Variants in ZNF718 observed in about 807,000 individuals in gnomAD.
The protein encoded by ZNF718 is zinc finger protein 718.
In ZNF718, 3 loss-of-function variants were observed where a neutral mutation model predicts 2.6. The ratio of observed to expected loss-of-function variants is 1.16; its 90% CI spans 0.53 to 3.01. The LOEUF is 3.01. Ranked by LOEUF, ZNF718 falls within the 30% of genes most tolerant of loss-of-function variation. The pLI is 0.03. For missense variants in ZNF718, 468 were observed against 230.0 expected (o/e 2.03, Z -6.69); for synonymous variants, 135 against 77.9 (o/e 1.73, Z -3.86).
At chr4:156,230 A>G (rs1330775011) in intron 3 of ZNF718, among the ~76,000 whole-genome samples, 3 of 143,794 alleles carry the variant, frequency 2.1e-5, no homozygotes, top group Non-Finnish European at 3.0e-5. Flanking sequence ...TGATATGTCT[A>G]TTTCCAATAT....
chr4:133,195 A>AAAAAAAACATATAT (rs1258303094), intron 3 of ZNF718, among the ~76,000 whole-genome samples: 1 of 20,774 alleles, frequency 4.8e-5, no homozygotes, highest in Admixed American at 7.4e-4. Context: ...AAAAAAAAAA[A>AAAAAAAACATATAT]ATATATATAT....
rs1437774844 is a variant in ZNF718 at position 128,805 on chromosome 4, C to G, written c.4-1983C>G. ...ACAGAAAGAATCTCCTTGGTTTGTA[C>G]CCAGATAAGAATTGCTCCAGTTTTC... On this transcript the variant is annotated intron_variant, in intron 1 of 3. Coordinates refer to ENST00000510175, the MANE Select transcript of ZNF718 (RefSeq NM_001039127.6). Among the ~76,000 whole-genome samples, 7 of 104,134 alleles carry G rather than the reference C, an allele frequency of 6.7e-5. 3 individuals carry two copies. Among genetic ancestry groups the G allele is most frequent in the Non-Finnish European group, 1.5e-4 (7 of 46,614 alleles). 68.3% of individuals were successfully genotyped at this position (104,134 alleles called of 152,430 possible). A position where few individuals can be genotyped will look rare whatever the true frequency, so the allele number is the denominator to read the frequency against.
At chr4:202,160 T>C (rs1717914043) in exon 5 of ZNF718, 1 of 152,382 alleles carries the variant, frequency 6.6e-6, no homozygotes, top group Admixed American at 6.5e-5. Context: ...CTGATGGTTT[T>C]ATACAGGGAA....
At chr4:185,942 T>C (rs192332205) in intron 3 of ZNF718, among the ~76,000 whole-genome samples, 1 of 152,172 alleles carries the variant, frequency 6.6e-6, no homozygotes. Context: ...TCTTTGTACT[T>C]TATTCAGCTT....
chr4:200,537 C>T (rs1264556460), intron 3 of ZNF718, among the ~76,000 whole-genome samples: 1 of 152,094 alleles, frequency 6.6e-6, no homozygotes, highest in Non-Finnish European at 1.5e-5. Context: ...AAAGTGCTGG[C>T]ATTACAGGCA....
intron 3 of ZNF718, among the ~76,000 whole-genome samples, chr4:197,704 G>A (rs1717819950): frequency 6.6e-6 from 1 of 152,164 alleles, no homozygotes; most frequent in African/African-American, 2.4e-5. Context: ...CAGCATAAGG[G>A]CAGAACTGCA....
At chr4:181,823 C>G (rs1717471196) in intron 3 of ZNF718, among the ~76,000 whole-genome samples, 1 of 152,112 alleles carries the variant, frequency 6.6e-6, no homozygotes, top group Non-Finnish European at 1.5e-5. Context: ...TTCCTCTCAC[C>G]TTCCATACTC....
In ZNF718 at chr4:131,407, C is replaced by A; in HGVS notation, c.131-3C>A. On this transcript the variant is annotated splice_polypyrimidine_tract_variant and splice_region_variant and intron_variant, in intron 2 of 3. Coordinates refer to ENST00000510175, the MANE Select transcript of ZNF718 (RefSeq NM_001039127.6). ...CATGTTAATTTTTTTTTTAATAAAA[C>A]AGGTGTTAGTATCTCTAACCCAGAC... The A allele has an allele frequency of 2.2e-6, 1 of 447,050 alleles. No homozygotes were observed. 27.7% of individuals were successfully genotyped at this position (447,050 alleles called of 1,614,324 possible).
intron 3 of ZNF718, among the ~76,000 whole-genome samples, chr4:140,095 A>G (rs1333843015): frequency 6.6e-6 from 1 of 151,988 alleles, no homozygotes; most frequent in East Asian, 1.9e-4. Flanking sequence ...CACATGTTTT[A>G]AGGGACTTAA....
In ZNF718 at chr4:159,047, T is replaced by C. The variant is rs1285122318; in HGVS notation, c.227-1865T>C. Among the ~76,000 whole-genome samples the C allele has an allele frequency of 3.3e-5, 5 of 151,184 alleles. 1 individual carries two copies. Among genetic ancestry groups the C allele is most frequent in the South Asian group, 2.1e-4 (1 of 4,814 alleles). ...ATTCTTTTTTTCTTTTTTCTTTTTT[T>C]TTTTTTTGAGATGGAGTCTTGTTTT... is the stretch of plus-strand genomic sequence containing the variant. On this transcript the variant is annotated intron_variant, in intron 3 of 3. Transcript: ENST00000510175.
At chr4:145,670 C>G (rs763047638) in intron 3 of ZNF718, among the ~76,000 whole-genome samples, 1 of 152,110 alleles carries the variant, frequency 6.6e-6, no homozygotes, top group Non-Finnish European at 1.5e-5. Context: ...GTTGCTCAGG[C>G]TGGTCTTGAA....
chr4:138,710 T>G (rs1715681199), intron 3 of ZNF718, among the ~76,000 whole-genome samples: 1 of 152,158 alleles, frequency 6.6e-6, no homozygotes. Flanking sequence ...TCTAAACTGG[T>G]CTCCATGGTC....
intron 3 of ZNF718, chr4:141,984 A>C (rs543680964): frequency 7.7e-6 from 4 of 518,846 alleles, no homozygotes; most frequent in South Asian, 1.4e-5. Context: ...GTATATTTCC[A>C]GCAGGTAAAA....
intron 3 of ZNF718, among the ~76,000 whole-genome samples, chr4:182,173 G>A (rs993737336): frequency 1.3e-5 from 2 of 152,238 alleles, no homozygotes; most frequent in African/African-American, 4.8e-5. Context: ...TCCTTTAGGT[G>A]TATACCCAGT....
chr4:124,841 G>C (rs1166084991), intron 1 of ZNF718, 168 bp downstream of exon 1: 1 of 842,228 alleles, frequency 1.2e-6, no homozygotes, highest in African/African-American at 1.7e-5. Flanking sequence ...CAGCGGCTCT[G>C]GCCCAGCCTG....
chr4:136,390 C>T, intron 3 of ZNF718: 1 of 520,396 alleles, frequency 1.9e-6, no homozygotes, highest in South Asian at 1.4e-5. Flanking sequence ...CTGGGTGTGT[C>T]TCCTTGCAGG....
intron 3 of ZNF718, among the ~76,000 whole-genome samples, chr4:173,212 C>T (rs1717275400): frequency 6.6e-6 from 1 of 151,468 alleles, no homozygotes; most frequent in Non-Finnish European, 1.5e-5. Context: ...TCCGTACTTA[C>T]AGCATAATTT....
chr4:191,165 G>A (rs1202349611), intron 3 of ZNF718, among the ~76,000 whole-genome samples: 1 of 30,128 alleles, frequency 3.3e-5, no homozygotes, highest in Non-Finnish European at 6.1e-5. Flanking sequence ...TTTTTTTTTT[G>A]AGATGGAGTC....
chr4:131,384 T>A, intron 2 of ZNF718, 26 bp from the exon 3 acceptor site: 1 of 369,012 alleles, frequency 2.7e-6, no homozygotes, highest in Non-Finnish European at 4.5e-6. Flanking sequence ...GCAATAGTCA[T>A]GTTAATTTTT....
Sources: gnomAD v4.1 joint callset for allele counts (sites outside exome capture counted in the v4.1 genomes callset) on GRCh38, gnomAD v4.1.1 for gene constraint, MANE v1.5 for transcripts, NCBI Gene and HGNC (gene_info 2026-07-23, HGNC 2026-07-21) for gene names.